The following CCDC171 variants were observed in gnomAD, a reference collection of about 807,000 sequenced individuals.
CCDC171 encodes the protein coiled-coil domain containing 171.
CCDC171 carries 177 observed loss-of-function variants against 168.2 expected under a neutral mutation model. The ratio of observed to expected loss-of-function variants is 1.05; its 90% CI spans 0.93 to 1.19. CCDC171 has a LOEUF of 1.19. CCDC171 is among the 50% of genes most tolerant of loss of function. The probability of loss-of-function intolerance (pLI) is 0.00; values close to 1 mark genes in which losing one functional copy is unlikely to be tolerated. For synonymous variants in CCDC171, 687 were observed against 540.8 expected (o/e 1.27, Z -3.75); for missense variants, 1,991 against 1,539.0 (o/e 1.29, Z -4.91).
chr9:15,950,410 C>G (rs1031537576), intron 25 of CCDC171, among the ~76,000 whole-genome samples: 18 of 152,136 alleles, frequency 1.2e-4, no homozygotes, highest in African/African-American at 4.1e-4. Flanking sequence ...GCCCATCAGA[C>G]TAACAGCAGA....
intron 25 of CCDC171, among the ~76,000 whole-genome samples, chr9:15,959,994 G>A (rs920858949): frequency 6.6e-6 from 1 of 152,150 alleles, no homozygotes; most frequent in Non-Finnish European, 1.5e-5. Context: ...ATACATTGAA[G>A]GCAGACCCTG....
At chr9:16,080,300 G>C in the CCDC171 span, among the ~76,000 whole-genome samples, 2 of 152,036 alleles carry the variant, frequency 1.3e-5, no homozygotes, top group African/African-American at 2.4e-5. Flanking sequence ...CATTTTATTG[G>C]TTTTTTTCCC....
At chr9:15,620,936 A>AT (rs112363002) in intron 6 of CCDC171, among the ~76,000 whole-genome samples, 116 of 148,020 alleles carry the variant, frequency 7.8e-4, no homozygotes, top group East Asian at 1.6e-3. Flanking sequence ...GATGGTTAGC[A>AT]TTTTTTTTTT....
chr9:15,676,192 C>T (rs1322020735), intron 9 of CCDC171, among the ~76,000 whole-genome samples: 1 of 152,046 alleles, frequency 6.6e-6, no homozygotes, highest in Non-Finnish European at 1.5e-5. Context: ...GCGTGCATCA[C>T]GAAATTCTCG....
At position 16,000,438 on chromosome 9, in the gene CCDC171, T is replaced by G. The variant is rs562341534; in HGVS notation, n.369-20151T>G. Reference sequence around the variant, plus strand: ...AGTGTAGGTGAGAACTCTTTAATACTTTAAAAGTTTCTAGGTAGAAAAAAA... The same window carrying G: ...AGTGTAGGTGAGAACTCTTTAATACGTTAAAAGTTTCTAGGTAGAAAAAAA... On this transcript the variant is annotated intron_variant and non_coding_transcript_variant, in intron 3 of 9. Coordinates refer to the CCDC171 transcript ENST00000486641. Among the ~76,000 whole-genome samples the G allele has an allele frequency of 2.6e-5, 4 of 152,296 alleles. No individual in the cohort carries two copies. In the South Asian group the frequency reaches 6.2e-4, roughly 24 times the overall value.
intron 9 of CCDC171, among the ~76,000 whole-genome samples, chr9:15,676,016 A>T (rs867101419): frequency 1.2e-4 from 18 of 152,284 alleles, no homozygotes; most frequent in African/African-American, 4.3e-4. Flanking sequence ...CACCAATCAA[A>T]TGCAGGTTTG....
chr9:15,845,847 A>G (rs1342559623), intron 21 of CCDC171: 1 of 152,116 alleles, frequency 6.6e-6, no homozygotes, highest in Non-Finnish European at 1.5e-5. Context: ...TTTGTATCCT[A>G]GAATTTTAAC....
chr9:15,997,086 A>G (rs1292828211), intron 3 of CCDC171, among the ~76,000 whole-genome samples: 2 of 152,218 alleles, frequency 1.3e-5, no homozygotes, highest in African/African-American at 4.8e-5. Context: ...CCTGTGAAAG[A>G]TAAAGGGGAA....
intron 16 of CCDC171, among the ~76,000 whole-genome samples, chr9:15,732,920 C>T (rs967237732): frequency 2.0e-5 from 3 of 152,100 alleles, no homozygotes; most frequent in Non-Finnish European, 4.4e-5. Context: ...TTTGCACTCT[C>T]ACTAGCAATG....
chr9:16,006,969 T>A (rs1460306041), intron 3 of CCDC171, among the ~76,000 whole-genome samples: 16 of 152,236 alleles, frequency 1.1e-4, no homozygotes, highest in Admixed American at 2.0e-4. Flanking sequence ...GCTGGGTCAG[T>A]TGGTATTTCT....
chr9:15,704,815 C>T (rs890072504), intron 11 of CCDC171, among the ~76,000 whole-genome samples: 2 of 152,086 alleles, frequency 1.3e-5, no homozygotes, highest in South Asian at 4.1e-4. Flanking sequence ...ACTTGATCTC[C>T]TCACCTGTGA....
chr9:15,876,587 C>T (rs1439110450), intron 24 of CCDC171, among the ~76,000 whole-genome samples: 2 of 152,090 alleles, frequency 1.3e-5, no homozygotes, highest in African/African-American at 4.8e-5. Context: ...AATGTAGACA[C>T]ATATGTTACA....
At chr9:15,964,665 C>T (rs1377887891) in intron 25 of CCDC171, among the ~76,000 whole-genome samples, 2 of 152,192 alleles carry the variant, frequency 1.3e-5, no homozygotes, top group Non-Finnish European at 2.9e-5. Context: ...GAAATCTAAA[C>T]ATCCTGGAGA....
chr9:15,957,630 G>A (rs985387413), intron 25 of CCDC171, among the ~76,000 whole-genome samples: 2 of 152,120 alleles, frequency 1.3e-5, no homozygotes, highest in Admixed American at 6.6e-5. Context: ...AAACTTTGAA[G>A]GTTTACATCA....
Position 15,697,262 on chromosome 9 carries a change from C to G in CCDC171, c.1318+1925C>G, listed in dbSNP as rs1431760053. Among the ~76,000 whole-genome samples, 4 of 152,170 alleles carry G rather than the reference C, an allele frequency of 2.6e-5. No homozygotes were observed. The East Asian group carries it at 7.7e-4, about 29-fold the overall frequency. On this transcript the variant is annotated intron_variant, in intron 11 of 25. Coordinates refer to ENST00000380701, the MANE Select transcript of CCDC171 (RefSeq NM_173550.4). Reference sequence around the variant, plus strand: ...GGTGGGCCCTCTTTCATGGCTGTGGCTCTTGTTAGACTATGGTGACATTCT... The same window carrying G: ...GGTGGGCCCTCTTTCATGGCTGTGGGTCTTGTTAGACTATGGTGACATTCT...
intron 24 of CCDC171, among the ~76,000 whole-genome samples, chr9:15,906,248 G>C (rs901306208): frequency 6.6e-6 from 1 of 152,178 alleles, no homozygotes; most frequent in Admixed American, 6.5e-5. Flanking sequence ...CAATGTCCTT[G>C]ATGAACATCG....
intron 1 of CCDC171, among the ~76,000 whole-genome samples, chr9:16,054,551 T>C (rs1249475498): frequency 6.6e-6 from 1 of 152,162 alleles, no homozygotes; most frequent in Non-Finnish European, 1.5e-5. Context: ...GACCTGGAGA[T>C]TCCTTGATTA....
chr9:16,026,432 C>G (rs542201441), intron 6 of CCDC171, among the ~76,000 whole-genome samples: 1 of 152,262 alleles, frequency 6.6e-6, no homozygotes, highest in South Asian at 2.1e-4. Flanking sequence ...CATCTGGAAT[C>G]CAGTCAGTGT....
intron 11 of CCDC171, among the ~76,000 whole-genome samples, chr9:15,695,868 C>T (rs2051173849): frequency 6.6e-6 from 1 of 152,088 alleles, no homozygotes; most frequent in Admixed American, 6.6e-5. Flanking sequence ...TAGTTATTAG[C>T]CCACTTCATA....
Sources: gnomAD v4.1 joint callset for allele counts (sites outside exome capture counted in the v4.1 genomes callset) on GRCh38, gnomAD v4.1.1 for gene constraint, MANE v1.5 for transcripts, NCBI Gene and HGNC (gene_info 2026-07-23, HGNC 2026-07-21) for gene names.